The following NRP2 variants were observed in gnomAD, a reference collection of about 807,000 sequenced individuals.
The protein encoded by NRP2 is neuropilin-2.
In NRP2, 52 loss-of-function variants were observed where a neutral mutation model predicts 110.4. The observed-to-expected ratio is 0.47, with a 90% CI of 0.38 to 0.59. The LOEUF (loss-of-function observed/expected upper bound fraction) is 0.59. NRP2 is among the 20% of genes least tolerant of loss of function. The pLI is 0.00. For missense variants in NRP2, 1,049 were observed against 1,203.0 expected (o/e 0.87, Z 1.89); for synonymous variants, 508 against 468.9 (o/e 1.08, Z -1.08).
At chr2:205,743,086 T>C in intron 8 of NRP2, 117 bp from the exon 9 acceptor site, 3 of 1,586,008 alleles carry the variant, frequency 1.9e-6, no homozygotes, top group Non-Finnish European at 2.6e-6. Context: ...GCAAAGAAAT[T>C]AGTGCTGACT....
chr2:205,770,863 G>A (rs983735546), intron 15 of NRP2, among the ~76,000 whole-genome samples: 3 of 152,048 alleles, frequency 2.0e-5, no homozygotes, highest in East Asian at 1.9e-4. Context: ...ACTGCTTGGC[G>A]GCCATCCTTC....
chr2:205,793,440 C>T (rs1475464555), intron 16 of NRP2, among the ~76,000 whole-genome samples: 1 of 152,142 alleles, frequency 6.6e-6, no homozygotes, highest in Admixed American at 6.5e-5. Flanking sequence ...ATGCCTTGGC[C>T]ACAGTGTAGA....
At position 205,725,956 on chromosome 2, in the gene NRP2, T is replaced by G; in HGVS notation, c.864T>G (p.Ile288Met). The change falls in exon 6 of 17, where the codon ATT becomes ATG. Residue 288 changes from isoleucine (I) to methionine (M), a missense_variant. Ile to Met is a conservative substitution (Grantham distance 10). Coordinates refer to ENST00000357785, the MANE Select transcript of NRP2 (RefSeq NM_003872.3). This position sits in a 1 kb window ranked among gnomAD's most constrained non-coding sequence, Gnocchi z 4.1. ...NVPLGMESGR[I>M]ANEQISASST... ...CTCTGGGCATGGAGTCTGGCCGGAT[T>G]GCTAATGAACAGATCAGTGCCTCAT... The G allele has an allele frequency of 1.9e-6, 3 of 1,614,150 alleles. No individual in the cohort carries two copies. The highest frequency in any genetic ancestry group is 2.5e-6 in the Non-Finnish European group (3 of 1,180,016).
chr2:205,748,909 A>G (rs1300607053), intron 10 of NRP2, among the ~76,000 whole-genome samples: 1 of 152,248 alleles, frequency 6.6e-6, no homozygotes, highest in East Asian at 1.9e-4. Context: ...TGAATCACCT[A>G]GAGCTGAGGT....
chr2:205,707,834 A>G (rs1309029173), intron 2 of NRP2, among the ~76,000 whole-genome samples: 1 of 152,218 alleles, frequency 6.6e-6, no homozygotes, highest in East Asian at 1.9e-4. Context: ...CACCCTGCCG[A>G]GTAAAGGGGC....
At position 205,743,449 on chromosome 2, in the gene NRP2, C is replaced by G; in HGVS notation, c.1538C>G (p.Thr513Ser). ...IQGARGGDSI[T>S]AVEARAFVRK... ...GGAGCCCGCGGAGGAGACAGTATCA[C>G]TGCTGTGGAAGCCAGAGCATTTGTG... The change falls in exon 9 of 17, where the codon ACT becomes AGT. Residue 513 changes from threonine (T) to serine (S), a missense_variant. Coordinates refer to ENST00000357785, the MANE Select transcript of NRP2 (RefSeq NM_003872.3). 3.1e-6 allele frequency: 5 copies of G among 1,614,220 alleles called. No homozygotes were observed. The highest frequency in any genetic ancestry group is 4.2e-6 in the Non-Finnish European group (5 of 1,180,032).
intron 3 of NRP2, among the ~76,000 whole-genome samples, chr2:205,720,829 A>G (rs957814222): frequency 4.6e-5 from 7 of 152,186 alleles, no homozygotes; most frequent in African/African-American, 1.7e-4. Flanking sequence ...CTAGCTGCCC[A>G]TTGAAAACTC....
Position 205,797,855 on chromosome 2 carries a change from T to G in NRP2, c.*2797T>G, listed in dbSNP as rs887200382. 2 of 152,752 alleles carry G rather than the reference T, an allele frequency of 1.3e-5. No homozygotes were observed. Among genetic ancestry groups the G allele is most frequent in the Non-Finnish European group, 2.9e-5 (2 of 68,086 alleles). The allele number at this position is 152,752 out of a possible 1,614,324, so 9.5% of individuals were successfully genotyped here. ...CCACAGGGTTGCTTTCTGTCTTTGG[T>G]GGGGCAGGGGAGTTGACAGGGATGA... On this transcript the variant is annotated 3_prime_UTR_variant, in exon 17 of 17. Transcript: ENST00000357785.
rs927287031 is a variant in NRP2 at position 205,686,789 on chromosome 2, G to A, written c.73+3426G>A. Among the ~76,000 whole-genome samples, 1 of 152,088 alleles carries A rather than the reference G, an allele frequency of 6.6e-6. No homozygotes were observed. Among genetic ancestry groups the A allele is most frequent in the Non-Finnish European group, 1.5e-5 (1 of 68,016 alleles). On this transcript the variant is annotated intron_variant, in intron 1 of 16. Coordinates refer to ENST00000357785, the MANE Select transcript of NRP2 (RefSeq NM_003872.3). The surrounding 1 kb of genome is among the most constrained non-coding windows in gnomAD (Gnocchi z 4.7). ...TAGGAGATCCACGCTCAGGTTTATT[G>A]GCGTGTGCTCCCTGCTCGGCTCCCC...
In NRP2 at chr2:205,778,086, T is replaced by A. The variant is rs149816267; in HGVS notation, c.2425+11283T>A. The A allele has an allele frequency of 6.6e-5, 10 of 152,374 alleles. No individual in the cohort carries two copies. In the East Asian group the frequency reaches 1.9e-3, roughly 29 times the overall value. 9.4% of individuals were successfully genotyped at this position (152,374 alleles called of 1,614,324 possible). A position where few individuals can be genotyped will look rare whatever the true frequency, so the allele number is the denominator to read the frequency against. ...TGCAAATTTTAAGATTCTCAGTGTA[T>A]GAGGTCTCAGCCTCGGGAGCATTTA... On this transcript the variant is annotated intron_variant, in intron 15 of 16. Coordinates refer to ENST00000357785, the MANE Select transcript of NRP2 (RefSeq NM_003872.3).
chr2:205,734,631 A>G (rs1446635676), intron 7 of NRP2, among the ~76,000 whole-genome samples: 2 of 152,098 alleles, frequency 1.3e-5, no homozygotes, highest in Non-Finnish European at 2.9e-5. Flanking sequence ...TAGTTTTAAA[A>G]ACATGCTTCT....
chr2:205,744,711 G>A (rs1447634315), intron 9 of NRP2, among the ~76,000 whole-genome samples: 1 of 152,194 alleles, frequency 6.6e-6, no homozygotes, highest in Non-Finnish European at 1.5e-5. Context: ...CCTTTGCTAA[G>A]CAAATGTCTC....
intron 5 of NRP2, among the ~76,000 whole-genome samples, chr2:205,724,821 C>T (rs1387047183): frequency 1.3e-5 from 2 of 152,050 alleles, no homozygotes; most frequent in African/African-American, 2.4e-5. Flanking sequence ...CATGCGCCAC[C>T]ATGCCCAGCT....
At chr2:205,724,308 AT>A (rs1193336043) in intron 5 of NRP2, among the ~76,000 whole-genome samples, 1 of 152,002 alleles carries the variant, frequency 6.6e-6, no homozygotes, top group Non-Finnish European at 1.5e-5. Flanking sequence ...GTCTGTGGCC[AT>A]TTTTTTCCCT....
At chr2:205,749,608 T>A in intron 10 of NRP2, 117 bp from the exon 11 acceptor site, 1 of 818,320 alleles carries the variant, frequency 1.2e-6, no homozygotes, top group Non-Finnish European at 2.1e-6. Flanking sequence ...ACTTCAGAGT[T>A]CCGTGCACAT....
intron 3 of NRP2, among the ~76,000 whole-genome samples, chr2:205,716,878 C>T (rs2056908808): frequency 6.6e-6 from 1 of 152,154 alleles, no homozygotes; most frequent in Non-Finnish European, 1.5e-5. Flanking sequence ...CCTAGAAATT[C>T]CCCTTGGCAG....
At chr2:205,793,523 T>C (rs559666785) in intron 16 of NRP2, among the ~76,000 whole-genome samples, 6 of 152,284 alleles carry the variant, frequency 3.9e-5, no homozygotes, top group South Asian at 4.1e-4. Flanking sequence ...AACAGACATA[T>C]ATTTTCTCAC....
At chr2:205,724,435 T>A (rs1001010616) in intron 5 of NRP2, among the ~76,000 whole-genome samples, 2 of 152,120 alleles carry the variant, frequency 1.3e-5, no homozygotes, top group Admixed American at 1.3e-4. Flanking sequence ...ACTAGATTGG[T>A]ACAACTGCTT....
Position 205,765,585 on chromosome 2 carries a change from G to A in NRP2, c.2404+15G>A. 6.3e-7 allele frequency: 1 copy of A among 1,597,794 alleles called. No homozygotes were observed. The highest frequency in any genetic ancestry group is 8.6e-7 in the Non-Finnish European group (1 of 1,165,106). On this transcript the variant is annotated intron_variant, in intron 14 of 16. Coordinates refer to ENST00000357785, the MANE Select transcript of NRP2 (RefSeq NM_003872.3). ...GAACTGCATGGGTATGTGAATATCTGTCTCTTCATGGTTCTTTCAAATAAG... is the reference window on the plus strand; with the variant it reads ...GAACTGCATGGGTATGTGAATATCTATCTCTTCATGGTTCTTTCAAATAAG...
Sources: allele counts gnomAD v4.1 joint callset (sites outside exome capture counted in the v4.1 genomes callset), GRCh38; gene constraint gnomAD v4.1.1; non-coding constraint Gnocchi (gnomAD v3.1); transcripts MANE v1.5; gene names NCBI Gene and HGNC (gene_info 2026-07-23, HGNC 2026-07-21).